The following FILIP1 variants were observed in gnomAD, a reference collection of about 807,000 sequenced individuals.
The protein encoded by FILIP1 is filamin A interacting protein 1.
In FILIP1, 61 loss-of-function variants were observed where a neutral mutation model predicts 102.1. That is an observed-to-expected ratio of 0.60 (90% CI 0.49 to 0.74). The LOEUF (loss-of-function observed/expected upper bound fraction) is 0.74, where lower values mean the gene tolerates loss of function less well. FILIP1 is among the 30% of genes least tolerant of loss of function. FILIP1 has a pLI of 0.00. For missense variants in FILIP1, 1,314 were observed against 1,441.2 expected (o/e 0.91, Z 1.43); for synonymous variants, 491 against 526.9 (o/e 0.93, Z 0.93).
intron 1 of FILIP1, among the ~76,000 whole-genome samples, chr6:75,467,755 C>T (rs1779211601): frequency 6.6e-6 from 1 of 152,068 alleles, no homozygotes; most frequent in Non-Finnish European, 1.5e-5. Flanking sequence ...CATTGGAAGA[C>T]AGAAAGCAGG....
intron 4 of FILIP1, among the ~76,000 whole-genome samples, chr6:75,315,919 G>A (rs1773429247): frequency 6.6e-6 from 1 of 152,228 alleles, no homozygotes; most frequent in African/African-American, 2.4e-5. Flanking sequence ...TCACCTGGAA[G>A]GGACAAAGTA....
At chr6:75,372,677 GAAAGAAAGA>G (rs1245659505) in intron 2 of FILIP1, among the ~76,000 whole-genome samples, 638 of 51,266 alleles carry the variant, frequency 0.012, 31 homozygotes, top group African/African-American at 0.071. Context: ...AAGAAAGAAA[GAAAGAAAGA>G]GAAAGAAAGA....
intron 1 of FILIP1, among the ~76,000 whole-genome samples, chr6:75,460,535 A>G (rs931565161): frequency 2.6e-5 from 4 of 152,218 alleles, no homozygotes; most frequent in African/African-American, 9.6e-5. Context: ...TGGGATCAAT[A>G]AATTATTTTA....
chr6:75,490,299 A>G lies in FILIP1; in HGVS notation c.-7+3115T>C, dbSNP rs542211949. On this transcript the variant is annotated intron_variant, in intron 1 of 5. Transcript: ENST00000237172. ...CATCACTTTGACCATCTTAAAATAT[A>G]AATACTAAGAGAATGTTTTTCTTTT... 3.3e-5 allele frequency among the ~76,000 whole-genome samples: 5 copies of G among 152,286 alleles called. No individual in the cohort carries two copies. In the East Asian group the frequency reaches 9.6e-4, roughly 29 times the overall value.
chr6:75,364,086 C>T (rs1042156256), intron 2 of FILIP1, among the ~76,000 whole-genome samples: 5 of 152,132 alleles, frequency 3.3e-5, no homozygotes, highest in Non-Finnish European at 7.4e-5. Flanking sequence ...CATATGGCTA[C>T]AGAATAATTC....
chr6:75,477,518 A>G (rs1779513942), intron 1 of FILIP1, among the ~76,000 whole-genome samples: 1 of 152,064 alleles, frequency 6.6e-6, no homozygotes, highest in Non-Finnish European at 1.5e-5. Flanking sequence ...ATCACATTAT[A>G]CTCCATAAAT....
chr6:75,342,768 G>T (rs1165005937), intron 4 of FILIP1, among the ~76,000 whole-genome samples: 1 of 152,176 alleles, frequency 6.6e-6, no homozygotes, highest in Non-Finnish European at 1.5e-5. Flanking sequence ...ACAGTTTCAT[G>T]CTCTTGACCA....
intron 4 of FILIP1, among the ~76,000 whole-genome samples, chr6:75,353,120 G>A (rs1346328287): frequency 1.3e-5 from 2 of 151,542 alleles, no homozygotes; most frequent in Non-Finnish European, 2.9e-5. Flanking sequence ...ACGAGTTAAC[G>A]GGTGCAGCAC....
intron 4 of FILIP1, among the ~76,000 whole-genome samples, chr6:75,348,321 C>T (rs1156397258): frequency 2.6e-5 from 4 of 152,096 alleles, no homozygotes; most frequent in African/African-American, 9.7e-5. Context: ...CCAAATATAG[C>T]ATTTAGACAA....
chr6:75,407,703 G>C (rs1776922673), intron 2 of FILIP1, among the ~76,000 whole-genome samples: 1 of 152,092 alleles, frequency 6.6e-6, no homozygotes, highest in African/African-American at 2.4e-5. Context: ...GTGTAATCTA[G>C]TTTACTCTGT....
chr6:75,412,587 T>C (rs543999788), intron 2 of FILIP1, among the ~76,000 whole-genome samples: 100 of 152,260 alleles, frequency 6.6e-4, no homozygotes, highest in Non-Finnish European at 1.2e-3. Flanking sequence ...TTTGCTAATG[T>C]TAACTCCCTC....
intron 1 of FILIP1, among the ~76,000 whole-genome samples, chr6:75,428,936 A>C (rs773692435): frequency 2.0e-5 from 3 of 152,198 alleles, no homozygotes; most frequent in Non-Finnish European, 4.4e-5. Flanking sequence ...AGCTACATTT[A>C]GCTGGAGTTG....
intron 1 of FILIP1, among the ~76,000 whole-genome samples, chr6:75,482,853 T>C (rs1442460503): frequency 6.6e-6 from 1 of 152,224 alleles, no homozygotes; most frequent in Admixed American, 6.5e-5. Context: ...ATTCATGACA[T>C]TTAATGAATT....
At chr6:75,374,867 C>T (rs1018635266) in intron 2 of FILIP1, among the ~76,000 whole-genome samples, 1 of 152,234 alleles carries the variant, frequency 6.6e-6, no homozygotes, top group African/African-American at 2.4e-5. Context: ...AAATTTTCTT[C>T]ACCTCTTTCT....
intron 4 of FILIP1, among the ~76,000 whole-genome samples, chr6:75,326,126 T>TAGATAGATACAC (rs1562462029): frequency 6.7e-6 from 1 of 149,542 alleles, no homozygotes; most frequent in African/African-American, 2.4e-5. Context: ...TAGATAGATA[T>TAGATAGATACAC]ACACACACAC....
At chr6:75,445,321 T>G (rs1426416085) in intron 1 of FILIP1, among the ~76,000 whole-genome samples, 1 of 152,112 alleles carries the variant, frequency 6.6e-6, no homozygotes, top group Admixed American at 6.6e-5. Flanking sequence ...TATACTCTTT[T>G]CTCATCCTTC....
At chr6:75,401,381 A>G (rs1219688316) in intron 2 of FILIP1, among the ~76,000 whole-genome samples, 3 of 151,702 alleles carry the variant, frequency 2.0e-5, no homozygotes, top group Non-Finnish European at 2.9e-5. Flanking sequence ...ACCACCCTTA[A>G]CCATAGATAT....
intron 1 of FILIP1, among the ~76,000 whole-genome samples, chr6:75,448,389 C>T (rs1370908790): frequency 6.6e-6 from 1 of 152,104 alleles, no homozygotes; most frequent in African/African-American, 2.4e-5. Flanking sequence ...TTCTTATGTG[C>T]TATTACTGTA....
At chr6:75,461,653 G>A (rs1298872894) in intron 1 of FILIP1, among the ~76,000 whole-genome samples, 2 of 152,108 alleles carry the variant, frequency 1.3e-5, no homozygotes, top group Non-Finnish European at 2.9e-5. Flanking sequence ...GGATTTGAGG[G>A]ATATACAGCA....
Sources: gnomAD v4.1 joint callset for allele counts (sites outside exome capture counted in the v4.1 genomes callset) on GRCh38, gnomAD v4.1.1 for gene constraint, MANE v1.5 for transcripts, NCBI Gene and HGNC (gene_info 2026-07-23, HGNC 2026-07-21) for gene names.